The following NHS variants were observed in gnomAD, a reference collection of about 807,000 sequenced individuals.
NHS encodes actin remodeling regulator NHS.
NHS carries 5 observed loss-of-function variants against 72.5 expected under a neutral mutation model. That is an observed-to-expected ratio of 0.07 (90% CI 0.04 to 0.14). The LOEUF is 0.14. Ranked by LOEUF, NHS falls within the 10% of genes least tolerant of loss-of-function variation. The pLI is 1.00. For missense variants in NHS, 1,072 were observed against 1,355.7 expected (o/e 0.79, Z 3.29); for synonymous variants, 464 against 547.7 (o/e 0.85, Z 2.13).
chrX:17,514,224 G>T (rs1430763896), intron 1 of NHS, among the ~76,000 whole-genome samples: 1 of 112,434 alleles, frequency 8.9e-6, no homozygotes, highest in Non-Finnish European at 1.9e-5. Context: ...GTCTGTGAGG[G>T]TGTTACCAAA....
rs1159000750 is a variant in NHS at position 17,735,287 on chromosome X, C to CAA, written c.*2825_*2826dup. ...TATTCTACATGGCTTGATTACATAG[C>CAA]AAACAAGACCAAGATTTAGGGCTGT... On this transcript the variant is annotated 3_prime_UTR_variant, in exon 9 of 9. Coordinates refer to ENST00000676302, the MANE Select transcript of NHS (RefSeq NM_001291867.2). 8.9e-6 allele frequency: 1 copy of CAA among 112,676 alleles called. No homozygotes were observed. The highest frequency in any genetic ancestry group is 1.9e-5 in the Non-Finnish European group (1 of 53,254). 9.3% of individuals were successfully genotyped at this position (112,676 alleles called of 1,213,427 possible). A position where few individuals can be genotyped will look rare whatever the true frequency, so the allele number is the denominator to read the frequency against.
chrX:17,378,787 GCTT>G (rs2064360074), intron 1 of NHS, among the ~76,000 whole-genome samples: 1 of 112,123 alleles, frequency 8.9e-6, no homozygotes. Context: ...TTATGCACCA[GCTT>G]CTTCTTCCCA....
intron 1 of NHS, among the ~76,000 whole-genome samples, chrX:17,609,720 C>T (rs1355430901): frequency 9.0e-6 from 1 of 111,703 alleles, no homozygotes; most frequent in Non-Finnish European, 1.9e-5. Context: ...AGCAAGGAGA[C>T]AACAGTTCAC....
intron 1 of NHS, among the ~76,000 whole-genome samples, chrX:17,406,164 G>A (rs1337944292): frequency 1.8e-5 from 2 of 111,601 alleles, no homozygotes; most frequent in Non-Finnish European, 3.8e-5. Context: ...AACATGGTGA[G>A]GTAAGAAAGC....
At chrX:17,454,318 A>C (rs2064817458) in intron 1 of NHS, among the ~76,000 whole-genome samples, 1 of 111,899 alleles carries the variant, frequency 8.9e-6, no homozygotes, top group African/African-American at 3.3e-5. Flanking sequence ...CACAGAAAAC[A>C]TGGGCTACAG....
intron 1 of NHS, among the ~76,000 whole-genome samples, chrX:17,637,147 C>T: frequency 8.9e-6 from 1 of 111,747 alleles, no homozygotes; most frequent in Non-Finnish European, 1.9e-5. Context: ...TAAGGGCCTA[C>T]ATTCATACAT....
intron 1 of NHS, among the ~76,000 whole-genome samples, chrX:17,558,138 A>G (rs1398294577): frequency 8.9e-6 from 1 of 111,786 alleles, no homozygotes; most frequent in Non-Finnish European, 1.9e-5. Flanking sequence ...GCCTAGTACA[A>G]TATGTCTGAA....
chrX:17,381,315 C>T (rs925462645), intron 1 of NHS, among the ~76,000 whole-genome samples: 1 of 111,688 alleles, frequency 9.0e-6, no homozygotes, highest in Non-Finnish European at 1.9e-5. Context: ...GTTTAACATT[C>T]CCACAGAAAA....
intron 1 of NHS, among the ~76,000 whole-genome samples, chrX:17,642,162 G>A (rs770360808): frequency 8.9e-6 from 1 of 112,032 alleles, no homozygotes; most frequent in Non-Finnish European, 1.9e-5. Flanking sequence ...TAGCCAGGAT[G>A]GTCTCGATCT....
chrX:17,617,584 T>G (rs775412333), intron 1 of NHS, among the ~76,000 whole-genome samples: 5 of 112,371 alleles, frequency 4.4e-5, no homozygotes, highest in Non-Finnish European at 7.5e-5. Flanking sequence ...AAATGAGATG[T>G]GTCACCTAAG....
intron 1 of NHS, among the ~76,000 whole-genome samples, chrX:17,644,697 AT>A (rs757782589): frequency 9.7e-4 from 107 of 109,999 alleles, no homozygotes; most frequent in Non-Finnish European, 1.6e-3. Context: ...CATCATTTGA[AT>A]TTTTTTTTCA....
chrX:17,651,510 A>G (rs2065930576), intron 1 of NHS, among the ~76,000 whole-genome samples: 1 of 112,400 alleles, frequency 8.9e-6, no homozygotes, highest in Non-Finnish European at 1.9e-5. Flanking sequence ...CTTGCAGTTT[A>G]ATGCTGGTTA....
chrX:17,426,519 G>A (rs1281997956), intron 1 of NHS, among the ~76,000 whole-genome samples: 2 of 111,908 alleles, frequency 1.8e-5, no homozygotes, highest in African/African-American at 6.5e-5. Flanking sequence ...ACCTCTCTAG[G>A]CCTCAGCTTC....
At chrX:17,505,127 A>G (rs745655648) in intron 1 of NHS, among the ~76,000 whole-genome samples, 1 of 111,681 alleles carries the variant, frequency 9.0e-6, no homozygotes, top group East Asian at 2.8e-4. Flanking sequence ...AACCTTAGAC[A>G]TCTTTCTAGT....
At chrX:17,633,242 T>C (rs1301483617) in intron 1 of NHS, among the ~76,000 whole-genome samples, 1 of 112,147 alleles carries the variant, frequency 8.9e-6, no homozygotes, top group Non-Finnish European at 1.9e-5. Flanking sequence ...TTTTTCACCT[T>C]CACTGATAGA....
At chrX:17,495,567 A>G (rs1450554395) in intron 1 of NHS, among the ~76,000 whole-genome samples, 3 of 111,980 alleles carry the variant, frequency 2.7e-5, no homozygotes, top group Non-Finnish European at 5.6e-5. Flanking sequence ...ATGAGAAAAC[A>G]GGGGCTTAGG....
intron 1 of NHS, among the ~76,000 whole-genome samples, chrX:17,539,112 C>T (rs917291949): frequency 8.9e-6 from 1 of 112,440 alleles, no homozygotes; most frequent in Non-Finnish European, 1.9e-5. Flanking sequence ...CTTGTTGCTT[C>T]TTAAGCCTAC....
intron 1 of NHS, among the ~76,000 whole-genome samples, chrX:17,426,610 G>A (rs1233913192): frequency 8.9e-6 from 1 of 112,318 alleles, no homozygotes; most frequent in Non-Finnish European, 1.9e-5. Flanking sequence ...GCAATTTGAT[G>A]AGTGCTTGGC....
chrX:17,402,955 C>T (rs1219257138), intron 1 of NHS, among the ~76,000 whole-genome samples: 1 of 112,224 alleles, frequency 8.9e-6, no homozygotes, highest in Non-Finnish European at 1.9e-5. Context: ...CAGACTCCAA[C>T]TTTCAGTGGC....
Sources: allele counts gnomAD v4.1 joint callset (sites outside exome capture counted in the v4.1 genomes callset), GRCh38; gene constraint gnomAD v4.1.1; transcripts MANE v1.5; gene names NCBI Gene and HGNC (gene_info 2026-07-23, HGNC 2026-07-21).